Variants in CACNG3 observed in about 807,000 individuals in gnomAD.
CACNG3 encodes calcium voltage-gated channel auxiliary subunit gamma 3, also known as voltage-dependent calcium channel gamma-3 subunit.
A neutral mutation model predicts 28.5 loss-of-function variants in CACNG3; 3 were observed. That is an observed-to-expected ratio of 0.11 (90% CI 0.05 to 0.27). The LOEUF (loss-of-function observed/expected upper bound fraction) is 0.27, where lower values mean the gene tolerates loss of function less well. CACNG3 is among the 10% of genes least tolerant of loss of function. CACNG3 has a pLI of 1.00. For missense variants in CACNG3, 236 were observed against 414.4 expected (o/e 0.57, Z 3.74); for synonymous variants, 174 against 162.2 (o/e 1.07, Z -0.55).
intron 1 of CACNG3, among the ~76,000 whole-genome samples, chr16:24,324,151 C>T (rs539462150): frequency 1.3e-5 from 2 of 152,276 alleles, no homozygotes; most frequent in South Asian, 2.1e-4. Context: ...AAGACACTGC[C>T]ATCCCTGTGT....
At chr16:24,323,340 C>G (rs1352487843) in intron 1 of CACNG3, among the ~76,000 whole-genome samples, 1 of 151,530 alleles carries the variant, frequency 6.6e-6, no homozygotes, top group East Asian at 1.9e-4. Context: ...GCTGCCTATA[C>G]TAGACCCTAG....
rs757811826 is a variant in CACNG3 at position 24,256,704 on chromosome 16, C to T, written c.-51C>T. The T allele has an allele frequency of 3.2e-6, 4 of 1,238,148 alleles. No individual in the cohort carries two copies. The highest frequency in any genetic ancestry group is 4.8e-6 in the Non-Finnish European group (4 of 838,162). 76.7% of individuals were successfully genotyped at this position (1,238,148 alleles called of 1,614,324 possible). A position where few individuals can be genotyped will look rare whatever the true frequency, so the allele number is the denominator to read the frequency against. ...GCTGCAGAGTGATTTTCCCCTCCGG[C>T]ACTGACTCTCCCCCTCCAACCCCCA... On this transcript the variant is annotated 5_prime_UTR_variant, in exon 1 of 4. Transcript: ENST00000005284. The surrounding 1 kb of genome is among the most constrained non-coding windows in gnomAD (Gnocchi z 4.6).
At position 24,322,922 on chromosome 16, in the gene CACNG3, C is replaced by T. The variant is rs374432347; in HGVS notation, c.212-23812C>T. ...TTGCAATCCACTCACATATATTTTT[C>T]GCCTTACAAAAATGAGATGAAGGCC... On this transcript the variant is annotated intron_variant, in intron 1 of 3. Coordinates refer to ENST00000005284, the MANE Select transcript of CACNG3 (RefSeq NM_006539.4). Among the ~76,000 whole-genome samples, 32 of 152,170 alleles carry T rather than the reference C, an allele frequency of 2.1e-4. No homozygotes were observed. In the South Asian group the frequency reaches 4.4e-3, roughly 21 times the overall value.
chr16:24,319,803 C>T (rs1451819085), intron 1 of CACNG3, among the ~76,000 whole-genome samples: 1 of 152,012 alleles, frequency 6.6e-6, no homozygotes, highest in Non-Finnish European at 1.5e-5. Flanking sequence ...GAGAGTCTCA[C>T]TCTGTTGCCC....
intron 1 of CACNG3, among the ~76,000 whole-genome samples, chr16:24,300,777 G>A (rs746411222): frequency 1.7e-4 from 26 of 152,060 alleles, no homozygotes; most frequent in Admixed American, 1.6e-3. Flanking sequence ...TTAGCTGGGT[G>A]GGCCAGTGGA....
chr16:24,294,656 C>T (rs1899006820), intron 1 of CACNG3, among the ~76,000 whole-genome samples: 1 of 152,150 alleles, frequency 6.6e-6, no homozygotes, highest in African/African-American at 2.4e-5. Context: ...CTACCTATGC[C>T]TTCCAAAGTG....
chr16:24,338,851 G>T (rs781166140), intron 1 of CACNG3, among the ~76,000 whole-genome samples: 1 of 152,178 alleles, frequency 6.6e-6, no homozygotes, highest in Non-Finnish European at 1.5e-5. Context: ...CACTGGATCT[G>T]TCCTCCAGAC....
chr16:24,272,239 A>G (rs1898700360), intron 1 of CACNG3, among the ~76,000 whole-genome samples: 1 of 152,158 alleles, frequency 6.6e-6, no homozygotes, highest in Non-Finnish European at 1.5e-5. Context: ...AAGTAATGCA[A>G]AAACATGTTC....
At chr16:24,333,808 C>G (rs1360512310) in intron 1 of CACNG3, among the ~76,000 whole-genome samples, 1 of 152,154 alleles carries the variant, frequency 6.6e-6, no homozygotes, top group East Asian at 1.9e-4. Flanking sequence ...TGCCACTGCA[C>G]TCCAGTCTGG....
At chr16:24,325,864 T>C (rs1899534314) in intron 1 of CACNG3, among the ~76,000 whole-genome samples, 1 of 152,234 alleles carries the variant, frequency 6.6e-6, no homozygotes, top group African/African-American at 2.4e-5. Flanking sequence ...TTGTGAGGAC[T>C]CTCAGTTGCA....
Position 24,256,697 on chromosome 16 carries a change from C to T in CACNG3, c.-58C>T. The stretch of plus-strand genomic sequence containing the variant: ...TTACCCGGCTGCAGAGTGATTTTCC[C>T]CTCCGGCACTGACTCTCCCCCTCCA... On this transcript the variant is annotated 5_prime_UTR_variant, in exon 1 of 4. Coordinates refer to ENST00000005284, the MANE Select transcript of CACNG3 (RefSeq NM_006539.4). The surrounding 1 kb of genome is among the most constrained non-coding windows in gnomAD (Gnocchi z 4.6). The T allele has an allele frequency of 8.6e-7, 1 of 1,163,130 alleles. No homozygotes were observed. The highest frequency in any genetic ancestry group is 1.2e-5 in the South Asian group (1 of 81,616). The allele number at this position is 1,163,130 out of a possible 1,614,324, so 72.1% of individuals were successfully genotyped here.
chr16:24,292,114 G>A (rs1289121362), intron 1 of CACNG3, among the ~76,000 whole-genome samples: 4 of 152,136 alleles, frequency 2.6e-5, no homozygotes, highest in Non-Finnish European at 4.4e-5. Context: ...CCGGGCAGGC[G>A]GAGGAGGAAG....
chr16:24,281,443 T>C (rs188377939), intron 1 of CACNG3, among the ~76,000 whole-genome samples: 2 of 152,078 alleles, frequency 1.3e-5, no homozygotes, highest in East Asian at 1.9e-4. Flanking sequence ...TTGAGCTCAA[T>C]TGATCCTCCC....
At chr16:24,271,162 G>T (rs561157986) in intron 1 of CACNG3, among the ~76,000 whole-genome samples, 125 of 152,324 alleles carry the variant, frequency 8.2e-4, no homozygotes, top group African/African-American at 2.9e-3. Context: ...CTTCTCAACT[G>T]CACTATTTGC....
chr16:24,327,422 A>ATGTGTGTGTGTGTGTG (rs376287990), intron 1 of CACNG3, among the ~76,000 whole-genome samples: 40 of 101,756 alleles, frequency 3.9e-4, no homozygotes, highest in East Asian at 1.4e-3. Context: ...GAATATATAT[A>ATGTGTGTGTGTGTGTG]TGTGTGTGTG....
At chr16:24,339,589 C>T (rs140686558) in intron 1 of CACNG3, among the ~76,000 whole-genome samples, 1,565 of 152,142 alleles carry the variant, frequency 0.01, 25 homozygotes, top group African/African-American at 0.036. Context: ...TTTCACCATG[C>T]TGGCCAGGCT....
chr16:24,312,778 A>G (rs1899280844), intron 1 of CACNG3, among the ~76,000 whole-genome samples: 1 of 151,658 alleles, frequency 6.6e-6, no homozygotes, highest in African/African-American at 2.4e-5. Flanking sequence ...TGATCCCACC[A>G]CTGTACTCCA....
intron 1 of CACNG3, among the ~76,000 whole-genome samples, chr16:24,263,325 T>C (rs902497067): frequency 8.5e-5 from 13 of 152,196 alleles, no homozygotes; most frequent in African/African-American, 3.1e-4. Context: ...ATTCTGCTGG[T>C]TCCTCACTGC....
At chr16:24,261,645 T>G (rs1898538504) in intron 1 of CACNG3, among the ~76,000 whole-genome samples, 3 of 152,216 alleles carry the variant, frequency 2.0e-5, no homozygotes, top group Admixed American at 6.5e-5. Flanking sequence ...CAATAATCAC[T>G]TTTTCAATTC....
Sources: allele counts gnomAD v4.1 joint callset (sites outside exome capture counted in the v4.1 genomes callset), GRCh38; gene constraint gnomAD v4.1.1; non-coding constraint Gnocchi (gnomAD v3.1); transcripts MANE v1.5; gene names NCBI Gene and HGNC (gene_info 2026-07-23, HGNC 2026-07-21).